The following WWP1 variants were observed in gnomAD, a reference collection of about 807,000 sequenced individuals.
WWP1 encodes the protein NEDD4-like E3 ubiquitin-protein ligase WWP1.
In WWP1, 49 loss-of-function variants were observed where a neutral mutation model predicts 130.6. The ratio of observed to expected loss-of-function variants is 0.38; its 90% CI spans 0.30 to 0.48. WWP1 has a LOEUF of 0.48. WWP1 is among the 20% of genes least tolerant of loss of function. The pLI is 0.99. For missense variants in WWP1, 809 were observed against 1,100.6 expected (o/e 0.74, Z 3.75); for synonymous variants, 332 against 367.8 (o/e 0.90, Z 1.11).
intron 1 of WWP1, among the ~76,000 whole-genome samples, chr8:86,351,485 C>T (rs558699349): frequency 2.6e-5 from 4 of 151,786 alleles, no homozygotes; most frequent in South Asian, 2.1e-4. Flanking sequence ...ACTACAGTTA[C>T]GCACTAACAT....
At position 86,427,637 on chromosome 8, in the gene WWP1, T is replaced by C; in HGVS notation, c.1158-6T>C. On this transcript the variant is annotated splice_polypyrimidine_tract_variant and splice_region_variant and intron_variant, in intron 10 of 24. Transcript: ENST00000517970. Reference sequence around the variant, plus strand: ...ATTATTGTTTATTATTGTTTACTTGTGGTAGTTGGGAAAGAAGAGTTGATG... The same window carrying C: ...ATTATTGTTTATTATTGTTTACTTGCGGTAGTTGGGAAAGAAGAGTTGATG... 6.3e-7 allele frequency: 1 copy of C among 1,593,838 alleles called. No individual in the cohort carries two copies. Among genetic ancestry groups the C allele is most frequent in the Non-Finnish European group, 8.6e-7 (1 of 1,167,788 alleles).
chr8:86,427,885 G>A, intron 11 of WWP1, 68 bp downstream of exon 11: 1 of 1,247,524 alleles, frequency 8.0e-7, no homozygotes, highest in Non-Finnish European at 1.1e-6. Context: ...TTTTTTTTTT[G>A]CTATCCCTTG....
At chr8:86,358,344 T>A (rs545177607) in intron 1 of WWP1, among the ~76,000 whole-genome samples, 203 of 152,308 alleles carry the variant, frequency 1.3e-3, no homozygotes, top group African/African-American at 4.7e-3. Flanking sequence ...AAATTTCAGT[T>A]CTATGCTATA....
intron 1 of WWP1, among the ~76,000 whole-genome samples, chr8:86,354,700 A>G (rs1471025369): frequency 6.6e-6 from 1 of 152,150 alleles, no homozygotes; most frequent in Admixed American, 6.5e-5. Context: ...AAGTTCTTAA[A>G]TGTAATTTCT....
chr8:86,385,885 A>C (rs1586318269), intron 5 of WWP1, among the ~76,000 whole-genome samples: 1 of 152,236 alleles, frequency 6.6e-6, no homozygotes, highest in East Asian at 1.9e-4. Context: ...TATATAAAAC[A>C]TAAAGCAGTA....
intron 18 of WWP1, among the ~76,000 whole-genome samples, chr8:86,447,549 A>T (rs1386141914): frequency 6.6e-6 from 1 of 152,176 alleles, no homozygotes; most frequent in East Asian, 1.9e-4. Flanking sequence ...TACAAGTGTG[A>T]GCCACTGCGC....
intron 1 of WWP1, among the ~76,000 whole-genome samples, chr8:86,345,887 A>G (rs1822550771): frequency 6.6e-6 from 1 of 152,244 alleles, no homozygotes; most frequent in Non-Finnish European, 1.5e-5. Context: ...ACAATAAACT[A>G]TTCCTGGAGT....
chr8:86,348,735 C>T (rs1323044678), intron 1 of WWP1, among the ~76,000 whole-genome samples: 2 of 152,136 alleles, frequency 1.3e-5, no homozygotes, highest in Non-Finnish European at 2.9e-5. Context: ...ATTAATTATA[C>T]CTCTCCTTTT....
At chr8:86,399,509 A>C (rs1807853330) in intron 7 of WWP1, among the ~76,000 whole-genome samples, 1 of 152,252 alleles carries the variant, frequency 6.6e-6, no homozygotes, top group Non-Finnish European at 1.5e-5. Flanking sequence ...CTAGTATATG[A>C]CAAAGTGTGA....
rs745725963 is a variant in WWP1, at chr8:86,380,695, C to A, written c.71-31C>A. ...TGTGCAGTACTACTTTTTGGCAACA[C>A]ATACTCACTAGTGAATTATTTGTCT... On this transcript the variant is annotated intron_variant, in intron 3 of 24. Coordinates refer to ENST00000517970, the MANE Select transcript of WWP1 (RefSeq NM_007013.4). 2.5e-6 allele frequency: 4 copies of A among 1,587,426 alleles called. No homozygotes were observed. In the South Asian group the frequency reaches 4.7e-5, roughly 18 times the overall value.
intron 1 of WWP1, among the ~76,000 whole-genome samples, chr8:86,358,467 C>T (rs936905387): frequency 1.5e-5 from 2 of 135,628 alleles, no homozygotes. Context: ...ATTTAATACA[C>T]ATTTATTGAG....
At position 86,415,633 on chromosome 8, in the gene WWP1, A is replaced by G. The variant is rs72688592; in HGVS notation, c.1061+3759A>G. On this transcript the variant is annotated intron_variant, in intron 9 of 24. Coordinates refer to ENST00000517970, the MANE Select transcript of WWP1 (RefSeq NM_007013.4). ...CTGTGTAACTCAAATCTTTATCGAGATACAGAACATTAATATCACCCTAGA... is the reference window on the plus strand; with the variant it reads ...CTGTGTAACTCAAATCTTTATCGAGGTACAGAACATTAATATCACCCTAGA... Among the ~76,000 whole-genome samples, 552 of 152,336 alleles carry G rather than the reference A, an allele frequency of 3.6e-3. 1 individual carries two copies. The highest frequency in any genetic ancestry group is 5.7e-3 in the Non-Finnish European group (391 of 68,028).
Position 86,448,203 on chromosome 8 carries a change from G to A in WWP1, c.2054G>A (p.Arg685His), listed in dbSNP as rs767817046. 16 of 1,580,658 alleles carry A rather than the reference G, an allele frequency of 1.0e-5. No individual in the cohort carries two copies. Among genetic ancestry groups the A allele is most frequent in the African/African-American group, 9.6e-5 (7 of 72,596 alleles). ...GGTTTCTCTTTACCATTCTACAAGC[G>A]TATGTTAAGTAAAAAACTTACTATT... ...DTGFSLPFYK[R>H]MLSKKLTIKD... The change falls in exon 19 of 25, where the codon CGT becomes CAT. Residue 685 changes from arginine (R) to histidine (H), a missense_variant. Transcript: ENST00000517970.
At chr8:86,343,462 T>C (rs1488164708) in intron 1 of WWP1, 1 of 142,686 alleles carries the variant, frequency 7.0e-6, no homozygotes, top group African/African-American at 2.6e-5. Context: ...CTCCACCTTT[T>C]GTGACCTGGT....
chr8:86,431,576 A>G, intron 13 of WWP1, 39 bp from the exon 14 acceptor site: 1 of 1,612,694 alleles, frequency 6.2e-7, no homozygotes, highest in Non-Finnish European at 8.5e-7. Context: ...TTTAGTACCT[A>G]GAAAAGGTTC....
intron 5 of WWP1, among the ~76,000 whole-genome samples, chr8:86,393,627 T>A (rs1563492336): frequency 6.6e-6 from 1 of 152,226 alleles, no homozygotes; most frequent in Non-Finnish European, 1.5e-5. Flanking sequence ...TAGCATGATA[T>A]AATGAAAAGA....
At chr8:86,454,691 T>C (rs1007778429) in intron 21 of WWP1, among the ~76,000 whole-genome samples, 1 of 152,102 alleles carries the variant, frequency 6.6e-6, no homozygotes, top group East Asian at 1.9e-4. Flanking sequence ...GAGCCCTATA[T>C]TGAAGTGGAG....
At chr8:86,456,338 GA>G (rs554687889) in intron 21 of WWP1, among the ~76,000 whole-genome samples, 232 of 151,972 alleles carry the variant, frequency 1.5e-3, no homozygotes, top group Non-Finnish European at 3.0e-3. Flanking sequence ...CACCCTGGGA[GA>G]AACTATTGAG....
At chr8:86,390,710 G>T (rs1458637814) in intron 5 of WWP1, among the ~76,000 whole-genome samples, 3 of 147,354 alleles carry the variant, frequency 2.0e-5, no homozygotes, top group Non-Finnish European at 4.5e-5. Context: ...AGGGAGACGG[G>T]AGAGGGGGAG....
Sources: gnomAD v4.1 joint callset for allele counts (sites outside exome capture counted in the v4.1 genomes callset) on GRCh38, gnomAD v4.1.1 for gene constraint, MANE v1.5 for transcripts, NCBI Gene and HGNC (gene_info 2026-07-23, HGNC 2026-07-21) for gene names.